Variants in AKAP9 observed in about 807,000 individuals in gnomAD.
The protein encoded by AKAP9 is A-kinase anchoring protein 9.
In AKAP9, 311 loss-of-function variants were observed where a neutral mutation model predicts 488.5. The observed-to-expected ratio is 0.64, with a 90% CI of 0.58 to 0.70. AKAP9 has a LOEUF of 0.70. Ranked by LOEUF, AKAP9 falls within the 30% of genes least tolerant of loss-of-function variation. The probability of loss-of-function intolerance (pLI) is 0.00; values close to 1 mark genes in which losing one functional copy is unlikely to be tolerated. For missense variants in AKAP9, 4,215 were observed against 4,374.5 expected, an observed-to-expected ratio of 0.96 and a Z score of 1.03; for synonymous variants, 1,462 against 1,483.5, an observed-to-expected ratio of 0.99 and a Z score of 0.33.
intron 8 of AKAP9, among the ~76,000 whole-genome samples, chr7:92,007,009 A>G (rs1331591818): frequency 1.3e-5 from 2 of 152,160 alleles, no homozygotes; most frequent in Non-Finnish European, 2.9e-5. Context: ...ATAGGCAGTT[A>G]ATAATTTTTT....
At chr7:92,068,482 T>C (rs2130837836) in intron 26 of AKAP9, among the ~76,000 whole-genome samples, 1 of 152,080 alleles carries the variant, frequency 6.6e-6, no homozygotes, top group Admixed American at 6.5e-5. Context: ...CTTCAAAGAA[T>C]ATTTAAGCTC....
At chr7:91,977,831 C>G (rs1258018098) in intron 2 of AKAP9, among the ~76,000 whole-genome samples, 2 of 152,126 alleles carry the variant, frequency 1.3e-5, no homozygotes, top group Admixed American at 1.3e-4. Context: ...ATAGTTTTAG[C>G]ATTTTGAATG....
At chr7:91,966,648 A>T in intron 1 of AKAP9, among the ~76,000 whole-genome samples, 1 of 152,182 alleles carries the variant, frequency 6.6e-6, no homozygotes, top group South Asian at 2.1e-4. Flanking sequence ...GTTGACTGTA[A>T]GTGTGTGAAT....
At chr7:92,011,351 A>G (rs1800716725) in intron 8 of AKAP9, among the ~76,000 whole-genome samples, 1 of 152,234 alleles carries the variant, frequency 6.6e-6, no homozygotes, top group Admixed American at 6.5e-5. Flanking sequence ...TTTGTCAAGA[A>G]AATTATAAAA....
chr7:92,085,054 C>A, intron 35 of AKAP9, 114 bp downstream of exon 35: 2 of 1,192,656 alleles, frequency 1.7e-6, no homozygotes, highest in Non-Finnish European at 2.4e-6. Context: ...AATTGCTTAG[C>A]TAGAAGGAAT....
chr7:92,104,662 T>G (rs1359258347), intron 46 of AKAP9, among the ~76,000 whole-genome samples: 1 of 152,176 alleles, frequency 6.6e-6, no homozygotes, highest in Non-Finnish European at 1.5e-5. Flanking sequence ...ATGCTGGCTC[T>G]GGAAACAGGA....
chr7:92,104,042 T>G (rs917172940), intron 46 of AKAP9, among the ~76,000 whole-genome samples: 14 of 152,160 alleles, frequency 9.2e-5, no homozygotes, highest in African/African-American at 3.4e-4. Flanking sequence ...CCCACTACAG[T>G]CTTCTGACCT....
At chr7:92,089,653 A>G (rs1345241421) in intron 38 of AKAP9, 124 bp downstream of exon 38, 1 of 1,082,966 alleles carries the variant, frequency 9.2e-7, no homozygotes, top group East Asian at 2.7e-5. Context: ...CATTCTCATA[A>G]TGTTAAGGAT....
In AKAP9 at chr7:92,012,375, T is replaced by C. The variant is rs548775888; in HGVS notation, c.3319-54T>C. 8.7e-6 allele frequency: 13 copies of C among 1,496,600 alleles called. No individual in the cohort carries two copies. In the East Asian group the frequency reaches 3.1e-4, roughly 36 times the overall value. 92.7% of individuals were successfully genotyped at this position (1,496,600 alleles called of 1,614,324 possible). On this transcript the variant is annotated intron_variant, in intron 8 of 49. Transcript: ENST00000356239. ...GTATATGCAAAAAAAAGAAGTTAAA[T>C]TATTTGATTTGTCATTTAAGAATAT...
At chr7:92,034,707 T>C (rs1324241927) in intron 16 of AKAP9, among the ~76,000 whole-genome samples, 1 of 150,340 alleles carries the variant, frequency 6.7e-6, no homozygotes, top group Non-Finnish European at 1.5e-5. Context: ...TGGGGTTTCA[T>C]CATGTTGGCT....
Position 92,000,848 on chromosome 7 carries a change from G to A in AKAP9, c.931G>A (p.Glu311Lys). ...TACATTTTCATTTTTTTTCCTAAAG[G>A]AACAAGATAAAAAAGTAGAAAACTC... is the stretch of plus-strand genomic sequence containing the variant. ...LQEKIKVYEM[E>K]QDKKVENSNK... is the part of the protein sequence containing the mutation. The change falls in exon 8 of 50, where the codon GAA becomes AAA. Residue 311 changes from glutamate (E) to lysine (K), a missense_variant and splice_region_variant. By Grantham distance (56) the Glu-to-Lys change is moderately conservative. This residue lies in a region of AKAP9 where 2,361 missense variants were observed against 2,430.0 expected (regional missense o/e 0.97). Transcript: ENST00000356239. 7.3e-7 allele frequency: 1 copy of A among 1,365,990 alleles called. No homozygotes were observed. Among genetic ancestry groups the A allele is most frequent in the South Asian group, 1.4e-5 (1 of 69,576 alleles). The allele number at this position is 1,365,990 out of a possible 1,614,324, so 84.6% of individuals were successfully genotyped here.
chr7:92,052,102 A>G (rs1808078683), intron 21 of AKAP9, among the ~76,000 whole-genome samples: 2 of 152,302 alleles, frequency 1.3e-5, no homozygotes, highest in Middle Eastern at 6.8e-3. Context: ...GTAGCAAGCA[A>G]CAAAATGATC....
intron 3 of AKAP9, among the ~76,000 whole-genome samples, chr7:91,988,060 G>A (rs1490574071): frequency 1.3e-5 from 2 of 151,546 alleles, no homozygotes; most frequent in African/African-American, 4.9e-5. Context: ...GGCACATGTA[G>A]TCCCAGCTAC....
chr7:92,040,765 T>A lies in AKAP9; in HGVS notation c.4784T>A (p.Val1595Glu). 2 of 1,613,926 alleles carry A rather than the reference T, an allele frequency of 1.2e-6. No homozygotes were observed. The highest frequency in any genetic ancestry group is 1.7e-6 in the Non-Finnish European group (2 of 1,179,980). ...EQLEDMRQEL[V>E]RQYQEHQQAT... ...TTGGAAGATATGAGACAGGAACTTGTACGACAATACCAAGAACATCAACAG... is the reference window on the plus strand; with the variant it reads ...TTGGAAGATATGAGACAGGAACTTGAACGACAATACCAAGAACATCAACAG... The change falls in exon 18 of 50, where the codon GTA becomes GAA. Residue 1595 changes from valine to glutamate, a missense_variant. This residue lies in a region of AKAP9 where 2,361 missense variants were observed against 2,430.0 expected (regional missense o/e 0.97). Transcript: ENST00000356239.
intron 2 of AKAP9, among the ~76,000 whole-genome samples, chr7:91,976,524 A>G (rs772482529): frequency 9.9e-5 from 15 of 152,154 alleles, no homozygotes; most frequent in African/African-American, 1.9e-4. Flanking sequence ...ACTGCTCCCA[A>G]CCTGAGTGTT....
At chr7:92,008,026 T>C (rs1309861069) in intron 8 of AKAP9, among the ~76,000 whole-genome samples, 2 of 152,172 alleles carry the variant, frequency 1.3e-5, no homozygotes, top group Admixed American at 6.5e-5. Flanking sequence ...AAAGTTAGAA[T>C]AACCAAAACA....
chr7:92,088,248 C>G (rs922409546), intron 37 of AKAP9, among the ~76,000 whole-genome samples: 2 of 152,128 alleles, frequency 1.3e-5, no homozygotes, highest in African/African-American at 4.8e-5. Flanking sequence ...GGCACGATGC[C>G]ACTTTTGTAG....
chr7:92,014,756 C>T (rs28594877), intron 10 of AKAP9, among the ~76,000 whole-genome samples: 68,496 of 152,090 alleles, frequency 0.45, 16,536 homozygotes, highest in African/African-American at 0.63. Context: ...AGAACTGTGC[C>T]TAGAAAGTAT....
rs1225906353 is a variant in AKAP9, at chr7:91,940,939, T to C, written c.-161T>C. On this transcript the variant is annotated 5_prime_UTR_variant, in exon 1 of 50. It removes the in-frame stop codon of an upstream open reading frame in the 5' UTR. Coordinates refer to ENST00000356239, the MANE Select transcript of AKAP9 (RefSeq NM_005751.5). ...CGTGCGGCTGAGGACGATCCGCCAG[T>C]GAGCGCGGAGACTGCTTCCACTTCG... 1 of 766,254 alleles carries C rather than the reference T, an allele frequency of 1.3e-6. No individual in the cohort carries two copies. Among genetic ancestry groups the C allele is most frequent in the Non-Finnish European group, 2.3e-6 (1 of 438,526 alleles). 47.5% of individuals were successfully genotyped at this position (766,254 alleles called of 1,614,324 possible).
Sources: gnomAD v4.1 joint callset for allele counts (sites outside exome capture counted in the v4.1 genomes callset) on GRCh38, gnomAD v4.1.1 for gene constraint, gnomAD v4.1.1 regional missense constraint, MANE v1.5 for transcripts, NCBI Gene and HGNC (gene_info 2026-07-23, HGNC 2026-07-21) for gene names.